ZNF385D: variants seen among roughly 807,000 people sequenced by gnomAD.
ZNF385D encodes the protein zinc finger protein 385D.
In ZNF385D, 15 loss-of-function variants were observed where a neutral mutation model predicts 35.8. That is an observed-to-expected ratio of 0.42 (90% CI 0.28 to 0.64). ZNF385D has a LOEUF of 0.64. Ranked by LOEUF, ZNF385D falls within the 30% of genes least tolerant of loss-of-function variation. The pLI, the probability that ZNF385D is intolerant of heterozygous loss-of-function variation, is 0.23. For missense variants in ZNF385D, 474 were observed against 494.6 expected, an observed-to-expected ratio of 0.96 and a Z score of 0.39; for synonymous variants, 212 against 186.8, an observed-to-expected ratio of 1.13 and a Z score of -1.10.
At chr3:22,061,480 G>A (rs935523155) in intron 3 of ZNF385D, among the ~76,000 whole-genome samples, 1 of 152,096 alleles carries the variant, frequency 6.6e-6, no homozygotes, top group Non-Finnish European at 1.5e-5. Context: ...AGAGCAGCTA[G>A]AATCTCACTC....
At position 21,873,773 on chromosome 3, in the gene ZNF385D, G is replaced by A. The variant is rs769800690; in HGVS notation, c.326-208745C>T. 1.6e-4 allele frequency among the ~76,000 whole-genome samples: 25 copies of A among 152,030 alleles called. 1 individual carries two copies. The highest frequency in any genetic ancestry group is 2.9e-5 in the Non-Finnish European group (2 of 67,988). On this transcript the variant is annotated intron_variant, in intron 3 of 5. Transcript: ENST00000494108. ...ACTGGTTTATTTCACTTAGCATAAC[G>A]TTTTCAAGGTCCATCTATGATGTCA...
chr3:22,309,112 C>T (rs912070393), intron 2 of ZNF385D, among the ~76,000 whole-genome samples: 20 of 152,058 alleles, frequency 1.3e-4, no homozygotes, highest in African/African-American at 3.6e-4. Flanking sequence ...ATTCCACTAA[C>T]GAATTTAAAA....
intron 3 of ZNF385D, among the ~76,000 whole-genome samples, chr3:21,897,789 A>T (rs1275271474): frequency 6.6e-6 from 1 of 152,174 alleles, no homozygotes; most frequent in East Asian, 1.9e-4. Flanking sequence ...GCAGAACTTC[A>T]TATAGATGCA....
chr3:21,877,188 A>G (rs951745995), intron 3 of ZNF385D, among the ~76,000 whole-genome samples: 4 of 152,080 alleles, frequency 2.6e-5, no homozygotes, highest in African/African-American at 9.7e-5. Flanking sequence ...GTCATTTCAG[A>G]TACTCTTTCT....
chr3:21,732,030 GTTTTTTTTTT>G (rs1214143626), intron 1 of ZNF385D, among the ~76,000 whole-genome samples: 2 of 37,370 alleles, frequency 5.4e-5, no homozygotes, highest in African/African-American at 8.3e-5. Flanking sequence ...TTTTTTCGGG[GTTTTTTTTTT>G]TTTTTTTTTT....
intron 3 of ZNF385D, among the ~76,000 whole-genome samples, chr3:22,106,144 C>G (rs1401975603): frequency 6.6e-6 from 1 of 152,052 alleles, no homozygotes. Context: ...GTATTTGTGG[C>G]TCCAAAAATC....
chr3:21,737,466 T>TATACAC (rs139213948), intron 1 of ZNF385D, among the ~76,000 whole-genome samples: 2,389 of 149,142 alleles, frequency 0.016, 31 homozygotes, highest in Middle Eastern at 0.042. Context: ...GGGATATATA[T>TATACAC]ACACACACAC....
At chr3:21,854,200 G>A (rs569923369) in intron 3 of ZNF385D, among the ~76,000 whole-genome samples, 4 of 151,888 alleles carry the variant, frequency 2.6e-5, no homozygotes, top group East Asian at 3.9e-4. Context: ...ATCTTGGGCC[G>A]CTCCATTCAT....
chr3:21,654,177 T>C (rs768080109), intron 2 of ZNF385D, among the ~76,000 whole-genome samples: 28 of 152,218 alleles, frequency 1.8e-4, no homozygotes, highest in Admixed American at 6.5e-4. Flanking sequence ...ACCTATTTTT[T>C]ATTTGAGTCC....
chr3:21,694,073 T>C (rs1322322855), intron 1 of ZNF385D, among the ~76,000 whole-genome samples: 1 of 132,284 alleles, frequency 7.6e-6, no homozygotes, highest in African/African-American at 3.0e-5. Flanking sequence ...AGACAGAGTC[T>C]CGCTCTGTCG....
intron 3 of ZNF385D, among the ~76,000 whole-genome samples, chr3:21,764,835 A>T (rs923523812): frequency 2.6e-5 from 4 of 152,128 alleles, no homozygotes; most frequent in Admixed American, 6.6e-5. Context: ...TTACATTTAT[A>T]TGCAAGTTGC....
At chr3:21,872,949 C>T (rs193269864) in intron 3 of ZNF385D, among the ~76,000 whole-genome samples, 38 of 152,174 alleles carry the variant, frequency 2.5e-4, no homozygotes, top group Admixed American at 2.2e-3. Context: ...GCATCCAAGA[C>T]AGGATGACAC....
At chr3:22,021,726 G>A (rs756201864) in intron 3 of ZNF385D, among the ~76,000 whole-genome samples, 1 of 152,040 alleles carries the variant, frequency 6.6e-6, no homozygotes, top group Non-Finnish European at 1.5e-5. Context: ...TTAGGAATGA[G>A]GAAAGCCTGG....
chr3:21,567,142 A>C lies in ZNF385D; in HGVS notation c.166-2458T>G, dbSNP rs549009786. Among the ~76,000 whole-genome samples, 11 of 152,290 alleles carry C rather than the reference A, an allele frequency of 7.2e-5. 1 individual carries two copies. The South Asian group carries it at 2.3e-3, about 32-fold the overall frequency. On this transcript the variant is annotated intron_variant, in intron 2 of 7. Transcript: ENST00000281523. ...TCCATTTGCCATCGATGAACATTTC[A>C]TTATTTTCAGTACATTCTTTGATCT...
intron 2 of ZNF385D, among the ~76,000 whole-genome samples, chr3:21,572,153 G>A (rs577399481): frequency 1.6e-4 from 25 of 152,208 alleles, no homozygotes; most frequent in African/African-American, 5.8e-4. Flanking sequence ...TATAAACCCA[G>A]ATGTAATACA....
At chr3:22,179,799 A>C (rs1695100555) in intron 2 of ZNF385D, among the ~76,000 whole-genome samples, 1 of 152,208 alleles carries the variant, frequency 6.6e-6, no homozygotes, top group African/African-American at 2.4e-5. Context: ...GTGTAGAGGG[A>C]AATTTATAGC....
chr3:21,548,315 G>C (rs1048418580), intron 3 of ZNF385D, among the ~76,000 whole-genome samples: 5 of 152,086 alleles, frequency 3.3e-5, no homozygotes, highest in African/African-American at 1.2e-4. Flanking sequence ...AATGTTTCTG[G>C]TTTTGAGTGC....
intron 3 of ZNF385D, among the ~76,000 whole-genome samples, chr3:21,806,898 A>G (rs1249156509): frequency 2.6e-5 from 4 of 152,208 alleles, no homozygotes; most frequent in Non-Finnish European, 5.9e-5. Context: ...TAATTCTTAT[A>G]ACCAGAGCCA....
intron 3 of ZNF385D, among the ~76,000 whole-genome samples, chr3:22,026,747 A>T (rs1461217280): frequency 1.1e-4 from 16 of 152,232 alleles, no homozygotes; most frequent in Admixed American, 1.0e-3. Context: ...ACCTAGAAAA[A>T]TAGTAAATCA....
Sources: gnomAD v4.1 joint callset for allele counts (sites outside exome capture counted in the v4.1 genomes callset) on GRCh38, gnomAD v4.1.1 for gene constraint, MANE v1.5 for transcripts, NCBI Gene and HGNC (gene_info 2026-07-23, HGNC 2026-07-21) for gene names.